Variants in AFG1L observed in about 807,000 individuals in gnomAD.
AFG1L encodes the protein AFG1 like ATPase.
A neutral mutation model predicts 62.2 loss-of-function variants in AFG1L; 53 were observed. The observed-to-expected ratio is 0.85, with a 90% CI of 0.68 to 1.07. AFG1L has a LOEUF of 1.07. Ranked by LOEUF, AFG1L falls within the 50% of genes least tolerant of loss-of-function variation. The pLI, the probability that AFG1L is intolerant of heterozygous loss-of-function variation, is 0.00. For missense variants in AFG1L, 555 were observed against 590.5 expected (o/e 0.94, Z 0.62); for synonymous variants, 228 against 210.3 (o/e 1.08, Z -0.73).
At chr6:108,522,236 T>A in intron 12 of AFG1L, 61 bp from the exon 13 acceptor site, 1 of 1,550,882 alleles carries the variant, frequency 6.4e-7, no homozygotes, top group East Asian at 2.3e-5. Flanking sequence ...AAACCTATAC[T>A]TAGGTTCTGT....
intron 9 of AFG1L, 105 bp downstream of exon 9, chr6:108,477,040 G>C: frequency 9.3e-7 from 1 of 1,073,726 alleles, no homozygotes. Context: ...TTGATGCCAC[G>C]CTCAAGTGGC....
intron 2 of AFG1L, among the ~76,000 whole-genome samples, chr6:108,334,548 TA>T (rs916526600): frequency 2.7e-4 from 30 of 110,588 alleles, no homozygotes; most frequent in South Asian, 2.6e-3. Context: ...ATTAAAAAAT[TA>T]AAAAAAAAAC....
intron 6 of AFG1L, among the ~76,000 whole-genome samples, chr6:108,396,370 A>G (rs371732428): frequency 3.3e-5 from 5 of 152,178 alleles, no homozygotes; most frequent in African/African-American, 9.7e-5. Context: ...ACATCTTCCT[A>G]AGGCAATAAA....
intron 10 of AFG1L, among the ~76,000 whole-genome samples, chr6:108,483,601 C>T (rs1018429720): frequency 6.6e-6 from 1 of 152,168 alleles, no homozygotes; most frequent in African/African-American, 2.4e-5. Context: ...AGAAAATTTT[C>T]CTTAACTGAT....
chr6:108,397,195 A>AT (rs1205606153), intron 6 of AFG1L, among the ~76,000 whole-genome samples: 3 of 150,698 alleles, frequency 2.0e-5, no homozygotes, highest in African/African-American at 4.9e-5. Context: ...TGCCTGGCTA[A>AT]TTTTTTTTTG....
intron 1 of AFG1L, among the ~76,000 whole-genome samples, chr6:108,305,656 C>T (rs1487671413): frequency 6.6e-6 from 1 of 152,044 alleles, no homozygotes; most frequent in Non-Finnish European, 1.5e-5. Context: ...TGGTCTTGAA[C>T]TTCTGGGCTC....
chr6:108,477,245 G>A lies in AFG1L; in HGVS notation c.1015G>A (p.Ala339Thr), dbSNP rs774477813. ...AGGCAGAGAGCTGCGCCTGAATAAA[G>A]CCTGTGGAACCGTTGCCGACTGCAC... The part of the protein sequence containing the change: ...VQGRELRLNK[A>T]CGTVADCTFE... Residue 339 changes from alanine to threonine, a missense_variant, in exon 10 of 13, where the codon GCC (alanine) becomes ACC (threonine). Ala to Thr is a moderately conservative substitution (Grantham distance 58). Coordinates refer to ENST00000368977, the MANE Select transcript of AFG1L (RefSeq NM_145315.5). 6.2e-7 allele frequency: 1 copy of A among 1,610,684 alleles called. No individual in the cohort carries two copies. The highest frequency in any genetic ancestry group is 1.1e-5 in the South Asian group (1 of 90,836).
chr6:108,522,075 C>T, intron 12 of AFG1L: 1 of 331,384 alleles, frequency 3.0e-6, no homozygotes. Flanking sequence ...AAAGTTTTCC[C>T]TTTTAAGTTT....
intron 3 of AFG1L, 33 bp from the exon 4 acceptor site, chr6:108,355,621 A>G: frequency 8.9e-7 from 1 of 1,119,282 alleles, no homozygotes; most frequent in Non-Finnish European, 1.3e-6. Context: ...CATACTATTT[A>G]ATAGTATTCT....
intron 10 of AFG1L, among the ~76,000 whole-genome samples, chr6:108,478,603 C>T (rs1481166430): frequency 2.6e-5 from 4 of 152,216 alleles, no homozygotes; most frequent in Non-Finnish European, 5.9e-5. Flanking sequence ...CCTAACATCT[C>T]CTGACAAAAT....
intron 7 of AFG1L, 56 bp downstream of exon 7, chr6:108,402,110 G>C: frequency 1.2e-6 from 1 of 824,630 alleles, no homozygotes; most frequent in Non-Finnish European, 1.9e-6. Context: ...GATAATCAAG[G>C]GCTTTAGTAG....
At chr6:108,398,243 T>C (rs1781403226) in intron 6 of AFG1L, among the ~76,000 whole-genome samples, 1 of 152,252 alleles carries the variant, frequency 6.6e-6, no homozygotes, top group Non-Finnish European at 1.5e-5. Flanking sequence ...TTGCTATTTG[T>C]ATGTCTTCTT....
intron 1 of AFG1L, among the ~76,000 whole-genome samples, chr6:108,311,869 A>G (rs113845622): frequency 3.3e-5 from 5 of 151,140 alleles, no homozygotes; most frequent in African/African-American, 1.2e-4. Context: ...ATTTTATTTT[A>G]TTTTATTTTT....
rs1306785883 is a variant in AFG1L at position 108,525,637 on chromosome 6, C to T, written c.*3212C>T. ...TGGTTCTATGTGCTTTATAAATAAA[C>T]TCTTTTGATCCATATAACAGTCTTA... On this transcript the variant is annotated 3_prime_UTR_variant, in exon 13 of 13. Coordinates refer to ENST00000368977, the MANE Select transcript of AFG1L (RefSeq NM_145315.5). 1 of 152,172 alleles carries T rather than the reference C, an allele frequency of 6.6e-6. No individual in the cohort carries two copies. The highest frequency in any genetic ancestry group is 1.5e-5 in the Non-Finnish European group (1 of 68,030). The allele number at this position is 152,172 out of a possible 1,614,324, so 9.4% of individuals were successfully genotyped here. A position where few individuals can be genotyped will look rare whatever the true frequency, so the allele number is the denominator to read the frequency against.
chr6:108,469,858 T>C (rs183989108), intron 8 of AFG1L, among the ~76,000 whole-genome samples: 185 of 152,306 alleles, frequency 1.2e-3, no homozygotes, highest in African/African-American at 4.1e-3. Flanking sequence ...CCAGCCTGAC[T>C]TTTTTCCCTT....
chr6:108,509,890 T>TTGGAGCTC (rs1192391541), intron 10 of AFG1L, among the ~76,000 whole-genome samples: 1 of 152,258 alleles, frequency 6.6e-6, no homozygotes, highest in Admixed American at 6.5e-5. Flanking sequence ...AGTTAGGATT[T>TTGGAGCTC]AGTGTCTCAT....
intron 6 of AFG1L, among the ~76,000 whole-genome samples, chr6:108,398,643 G>T (rs904119597): frequency 6.6e-6 from 1 of 152,128 alleles, no homozygotes; most frequent in Non-Finnish European, 1.5e-5. Context: ...TGAGATAGGG[G>T]TCTAGTCTCA....
chr6:108,519,948 C>T lies in AFG1L; in HGVS notation c.1317+138C>T, dbSNP rs981159569. ...GCGCTTCTTCTATAAGCCCATGTAG[C>T]AAATTTATCATTCTCAATATCACTG... On this transcript the variant is annotated intron_variant, in intron 12 of 12. Transcript: ENST00000368977. 7.8e-6 allele frequency: 4 copies of T among 515,218 alleles called. No homozygotes were observed. In the Admixed American group the frequency reaches 1.5e-4, roughly 19 times the overall value. 31.9% of individuals were successfully genotyped at this position (515,218 alleles called of 1,614,324 possible). A position where few individuals can be genotyped will look rare whatever the true frequency, so the allele number is the denominator to read the frequency against.
chr6:108,418,251 C>T (rs554803836), intron 7 of AFG1L, among the ~76,000 whole-genome samples: 1 of 152,272 alleles, frequency 6.6e-6, no homozygotes, highest in East Asian at 1.9e-4. Flanking sequence ...CCAAATCTGG[C>T]CTGCTGCCTG....
Sources: gnomAD v4.1 joint callset for allele counts (sites outside exome capture counted in the v4.1 genomes callset) on GRCh38, gnomAD v4.1.1 for gene constraint, MANE v1.5 for transcripts, NCBI Gene and HGNC (gene_info 2026-07-23, HGNC 2026-07-21) for gene names.